CMSS1: variants seen among roughly 807,000 people sequenced by gnomAD.
CMSS1 encodes the protein protein CMSS1.
Under a neutral mutation model 43.5 loss-of-function variants are expected in CMSS1, and 33 were observed. The observed-to-expected ratio is 0.76, with a 90% CI of 0.57 to 1.01. The LOEUF is 1.01. CMSS1 is among the 50% of genes least tolerant of loss of function. The pLI, the probability that CMSS1 is intolerant of heterozygous loss-of-function variation, is 0.00. For synonymous variants in CMSS1, 115 were observed against 117.2 expected (o/e 0.98, Z 0.12); for missense variants, 313 against 326.4 (o/e 0.96, Z 0.32).
chr3:100,100,185 G>A (rs940006141), intron 1 of CMSS1, among the ~76,000 whole-genome samples: 2 of 152,148 alleles, frequency 1.3e-5, no homozygotes, highest in African/African-American at 4.8e-5. Flanking sequence ...TTGGTGTGTG[G>A]GCTCTGGGGG....
chr3:99,989,491 A>C (rs1019013516), intron 1 of CMSS1, among the ~76,000 whole-genome samples: 1 of 152,200 alleles, frequency 6.6e-6, no homozygotes, highest in African/African-American at 2.4e-5. Flanking sequence ...AGTTGACTCC[A>C]ACCCTTGACT....
intron 1 of CMSS1, among the ~76,000 whole-genome samples, chr3:100,044,047 A>T (rs2065244108): frequency 6.6e-6 from 1 of 152,194 alleles, no homozygotes; most frequent in Non-Finnish European, 1.5e-5. Context: ...CTAGTAGTTC[A>T]TTGGGTGTAT....
chr3:99,878,559 G>A (rs1454973538), intron 1 of CMSS1, among the ~76,000 whole-genome samples: 1 of 152,236 alleles, frequency 6.6e-6, no homozygotes. Flanking sequence ...GTAAAGGAGT[G>A]TTCAGATTTA....
At position 100,139,559 on chromosome 3, in the gene CMSS1, G is replaced by A. The variant is rs1272732965; in HGVS notation, c.65-7414G>A. 2.0e-4 allele frequency among the ~76,000 whole-genome samples: 29 copies of A among 146,948 alleles called. No individual in the cohort carries two copies. In the East Asian group the frequency reaches 5.4e-3, roughly 27 times the overall value. ...TGTGTGTGTGTGTGTGTGTGTGTGT[G>A]TGTGTGTATGTATATATATGTGTAT... is the stretch of plus-strand genomic sequence containing the variant. On this transcript the variant is annotated intron_variant, in intron 1 of 9. Coordinates refer to ENST00000421999, the MANE Select transcript of CMSS1 (RefSeq NM_032359.4).
intron 1 of CMSS1, among the ~76,000 whole-genome samples, chr3:100,138,114 G>T (rs530161999): frequency 9.9e-5 from 15 of 152,178 alleles, no homozygotes; most frequent in African/African-American, 3.1e-4. Flanking sequence ...TTCAATAAAT[G>T]GTGCTGGGAA....
At chr3:100,013,885 C>T (rs1459154388) in intron 1 of CMSS1, among the ~76,000 whole-genome samples, 1 of 152,002 alleles carries the variant, frequency 6.6e-6, no homozygotes, top group Non-Finnish European at 1.5e-5. Flanking sequence ...CTATAGTCAC[C>T]GTGCTTCACA....
At chr3:99,844,761 G>A (rs1282636237) in intron 1 of CMSS1, among the ~76,000 whole-genome samples, 1 of 152,104 alleles carries the variant, frequency 6.6e-6, no homozygotes, top group South Asian at 2.1e-4. Context: ...CGTTTGGATC[G>A]TGGGGTGGTT....
chr3:99,941,209 G>T (rs571768532), intron 1 of CMSS1, among the ~76,000 whole-genome samples: 1 of 151,768 alleles, frequency 6.6e-6, no homozygotes, highest in Non-Finnish European at 1.5e-5. Flanking sequence ...TTAGACACAC[G>T]GAGTTGATAT....
intron 1 of CMSS1, among the ~76,000 whole-genome samples, chr3:99,889,757 A>G (rs944665777): frequency 2.4e-4 from 36 of 152,096 alleles, no homozygotes; most frequent in African/African-American, 8.4e-4. Context: ...CCATCTCACA[A>G]GTTAAATTCT....
chr3:100,129,407 T>G (rs888166411), intron 1 of CMSS1, among the ~76,000 whole-genome samples: 1 of 152,216 alleles, frequency 6.6e-6, no homozygotes, highest in African/African-American at 2.4e-5. Flanking sequence ...AAGAAAAATT[T>G]AGGTCCTTTT....
chr3:99,950,042 T>C (rs1237646028), intron 1 of CMSS1, among the ~76,000 whole-genome samples: 2 of 152,202 alleles, frequency 1.3e-5, no homozygotes, highest in Non-Finnish European at 2.9e-5. Context: ...TTTGGCTACC[T>C]GCTAAGGAGG....
intron 1 of CMSS1, among the ~76,000 whole-genome samples, chr3:99,873,102 T>A (rs1705319685): frequency 6.6e-6 from 1 of 152,150 alleles, no homozygotes; most frequent in Non-Finnish European, 1.5e-5. Context: ...CATAAGTGAC[T>A]GGGTTGGTGG....
chr3:99,927,731 T>A lies in CMSS1; in HGVS notation c.64+109688T>A, dbSNP rs184546932. On this transcript the variant is annotated intron_variant, in intron 1 of 9. Coordinates refer to ENST00000421999, the MANE Select transcript of CMSS1 (RefSeq NM_032359.4). Reference sequence around the variant, plus strand: ...ATACCTTAGGCTATTAATTTTTTTTTAAAATTAAGTTCTGATATAGAACCC... The same window carrying A: ...ATACCTTAGGCTATTAATTTTTTTTAAAAATTAAGTTCTGATATAGAACCC... Among the ~76,000 whole-genome samples the A allele has an allele frequency of 6.8e-3, 1,042 of 152,214 alleles. 10 individuals are homozygous for A. The highest frequency in any genetic ancestry group is 0.02 in the Middle Eastern group (6 of 294).
chr3:99,928,958 T>C (rs1225496196), intron 1 of CMSS1, among the ~76,000 whole-genome samples: 1 of 152,226 alleles, frequency 6.6e-6, no homozygotes, highest in Non-Finnish European at 1.5e-5. Context: ...AGTAGTCTCT[T>C]CTCTCATGAG....
intron 1 of CMSS1, among the ~76,000 whole-genome samples, chr3:99,846,684 G>T (rs557527573): frequency 1.3e-5 from 2 of 152,326 alleles, no homozygotes; most frequent in Non-Finnish European, 2.9e-5. Context: ...CACCATGGAA[G>T]TGTTTCTGTC....
intron 1 of CMSS1, among the ~76,000 whole-genome samples, chr3:99,968,182 T>A (rs925641396): frequency 1.3e-5 from 2 of 152,120 alleles, no homozygotes; most frequent in African/African-American, 4.8e-5. Context: ...CCTAAAGTCT[T>A]AAGAATTGAA....
At chr3:99,942,329 C>T (rs1381145002) in intron 1 of CMSS1, among the ~76,000 whole-genome samples, 2 of 151,992 alleles carry the variant, frequency 1.3e-5, no homozygotes, top group African/African-American at 2.4e-5. Context: ...GACATGTTCT[C>T]CTGGGATTTA....
chr3:99,948,066 TTC>T (rs1293714788), intron 1 of CMSS1, among the ~76,000 whole-genome samples: 2 of 152,230 alleles, frequency 1.3e-5, no homozygotes, highest in African/African-American at 2.4e-5. Flanking sequence ...AGCTATAACA[TTC>T]TGTTTCTGAT....
At chr3:99,837,782 T>C (rs1942961300) in intron 1 of CMSS1, among the ~76,000 whole-genome samples, 1 of 152,198 alleles carries the variant, frequency 6.6e-6, no homozygotes, top group Non-Finnish European at 1.5e-5. Context: ...AAATCCAGAT[T>C]TAGAGTGTAC....
Sources: gnomAD v4.1 joint callset for allele counts (sites outside exome capture counted in the v4.1 genomes callset) on GRCh38, gnomAD v4.1.1 for gene constraint, MANE v1.5 for transcripts, NCBI Gene and HGNC (gene_info 2026-07-23, HGNC 2026-07-21) for gene names.